Variants in PCDH9 observed in about 807,000 individuals in gnomAD.
The protein encoded by PCDH9 is protocadherin 9.
A neutral mutation model predicts 70.6 loss-of-function variants in PCDH9; 24 were observed. The observed-to-expected ratio is 0.34, with a 90% CI of 0.25 to 0.48. The LOEUF (loss-of-function observed/expected upper bound fraction) is 0.48, where lower values mean the gene tolerates loss of function less well. PCDH9 is among the 20% of genes least tolerant of loss of function. PCDH9 has a pLI of 0.99. For missense variants in PCDH9, 1,281 were observed against 1,503.6 expected (o/e 0.85, Z 2.45); for synonymous variants, 562 against 558.5 (o/e 1.01, Z -0.09).
intron 2 of PCDH9, among the ~76,000 whole-genome samples, chr13:66,981,149 A>T (rs1029556963): frequency 6.6e-6 from 1 of 152,214 alleles, no homozygotes; most frequent in Non-Finnish European, 1.5e-5. Context: ...ATGAAATAGT[A>T]AAAGGTAGGC....
chr13:66,995,775 G>A (rs571317377), intron 2 of PCDH9, among the ~76,000 whole-genome samples: 4 of 151,988 alleles, frequency 2.6e-5, no homozygotes, highest in East Asian at 3.9e-4. Flanking sequence ...AAATATACTC[G>A]AGCAGTTCAG....
At chr13:66,637,775 G>T (rs963626419) in intron 3 of PCDH9, among the ~76,000 whole-genome samples, 3 of 151,888 alleles carry the variant, frequency 2.0e-5, no homozygotes, top group Admixed American at 1.3e-4. Flanking sequence ...TTAGCCAGGT[G>T]TGGTGGCAGG....
chr13:66,487,261 T>C (rs1177306708), intron 4 of PCDH9, among the ~76,000 whole-genome samples: 1 of 152,232 alleles, frequency 6.6e-6, no homozygotes, highest in Non-Finnish European at 1.5e-5. Context: ...AGTATATGAT[T>C]GATGCTGTTC....
intron 4 of PCDH9, among the ~76,000 whole-genome samples, chr13:66,432,054 CA>C (rs1216432320): frequency 2.6e-5 from 4 of 151,970 alleles, no homozygotes; most frequent in Admixed American, 1.3e-4. Flanking sequence ...TTTGAAGCCA[CA>C]AGTTTTTCTT....
chr13:67,180,662 C>A (rs1443683793), intron 2 of PCDH9, among the ~76,000 whole-genome samples: 1 of 152,180 alleles, frequency 6.6e-6, no homozygotes, highest in Non-Finnish European at 1.5e-5. Context: ...GCGGAGCCAA[C>A]TTTGTGAGCT....
intron 2 of PCDH9, among the ~76,000 whole-genome samples, chr13:67,195,505 C>T (rs940182445): frequency 6.6e-6 from 1 of 151,972 alleles, no homozygotes; most frequent in Admixed American, 6.6e-5. Flanking sequence ...GATGGAAATA[C>T]CAGTTTGAAA....
intron 2 of PCDH9, among the ~76,000 whole-genome samples, chr13:66,960,686 G>C (rs1418047983): frequency 6.6e-6 from 1 of 152,140 alleles, no homozygotes; most frequent in Non-Finnish European, 1.5e-5. Context: ...TAGCTGGGCA[G>C]TTAAGAAAAC....
chr13:66,365,483 C>T (rs547729307), intron 4 of PCDH9, among the ~76,000 whole-genome samples: 20 of 152,300 alleles, frequency 1.3e-4, no homozygotes. Context: ...GTAAAAATTA[C>T]AGTCCTAGAA....
chr13:66,789,841 T>C (rs2080136620), intron 3 of PCDH9, among the ~76,000 whole-genome samples: 1 of 152,188 alleles, frequency 6.6e-6, no homozygotes, highest in East Asian at 1.9e-4. Flanking sequence ...TCTAGAACTT[T>C]GTCTGTCATT....
In PCDH9 at chr13:67,228,573, C is replaced by T; in HGVS notation, c.-133G>A. On this transcript the variant is annotated splice_region_variant and 5_prime_UTR_variant, in exon 2 of 5. Coordinates refer to ENST00000377865, the MANE Select transcript of PCDH9 (RefSeq NM_203487.3). Reference sequence around the variant, plus strand: ...TATCTCATCACTTATTTGGAGACAGCCGCTGTCAACACAATTGTATAGACA... The same window carrying T: ...TATCTCATCACTTATTTGGAGACAGTCGCTGTCAACACAATTGTATAGACA... 1 of 624,020 alleles carries T rather than the reference C, an allele frequency of 1.6e-6. No individual in the cohort carries two copies. Among genetic ancestry groups the T allele is most frequent in the Non-Finnish European group, 2.7e-6 (1 of 371,938 alleles). 38.7% of individuals were successfully genotyped at this position (624,020 alleles called of 1,614,324 possible). A position where few individuals can be genotyped will look rare whatever the true frequency, so the allele number is the denominator to read the frequency against.
chr13:66,420,792 A>G (rs573156566), intron 4 of PCDH9, among the ~76,000 whole-genome samples: 3 of 152,118 alleles, frequency 2.0e-5, no homozygotes, highest in African/African-American at 7.2e-5. Context: ...AAGGATCACA[A>G]CTCCTCACCA....
At chr13:66,704,446 A>G (rs1038580507) in intron 3 of PCDH9, among the ~76,000 whole-genome samples, 1 of 152,184 alleles carries the variant, frequency 6.6e-6, no homozygotes, top group Non-Finnish European at 1.5e-5. Context: ...TTCATGTCTT[A>G]TTAAGAGTCT....
In PCDH9 at chr13:66,740,569, A is replaced by T. The variant is rs1452445531; in HGVS notation, c.3139-109158T>A. Among the ~76,000 whole-genome samples the T allele has an allele frequency of 4.1e-5, 6 of 147,752 alleles. No individual in the cohort carries two copies. The East Asian group carries it at 1.2e-3, about 30-fold the overall frequency. ...ATCCAGGAGCTGGTTTTTTGAAAGG[A>T]TCACCAAAAGTGATAGGCCGCTAGC... On this transcript the variant is annotated intron_variant, in intron 3 of 4. Coordinates refer to ENST00000377865, the MANE Select transcript of PCDH9 (RefSeq NM_203487.3).
intron 2 of PCDH9, among the ~76,000 whole-genome samples, chr13:67,111,447 T>C (rs2086656994): frequency 6.6e-6 from 1 of 152,192 alleles, no homozygotes; most frequent in South Asian, 2.1e-4. Flanking sequence ...ACTCTTAGGC[T>C]GTACTATATA....
intron 4 of PCDH9, among the ~76,000 whole-genome samples, chr13:66,457,426 T>C (rs1958339082): frequency 6.6e-6 from 1 of 152,074 alleles, no homozygotes; most frequent in Non-Finnish European, 1.5e-5. Flanking sequence ...ATTTCCAGTT[T>C]TAAAATAAAG....
At chr13:67,032,861 TTCAG>T (rs1438672728) in intron 2 of PCDH9, among the ~76,000 whole-genome samples, 1 of 152,196 alleles carries the variant, frequency 6.6e-6, no homozygotes, top group Non-Finnish European at 1.5e-5. Flanking sequence ...TTTTGAAGCA[TTCAG>T]TCAGTTATTA....
chr13:66,768,963 A>G (rs998004793), intron 3 of PCDH9, among the ~76,000 whole-genome samples: 6 of 152,158 alleles, frequency 3.9e-5, no homozygotes, highest in Non-Finnish European at 7.4e-5. Context: ...CAGGGAGATT[A>G]TGCAAAAGAT....
chr13:66,817,767 C>T (rs189055877), intron 3 of PCDH9, among the ~76,000 whole-genome samples: 31 of 152,152 alleles, frequency 2.0e-4, no homozygotes, highest in African/African-American at 6.5e-4. Flanking sequence ...GCATTAACAG[C>T]TGGCAACACA....
intron 2 of PCDH9, among the ~76,000 whole-genome samples, chr13:66,965,646 TATTA>T (rs1282080427): frequency 1.3e-5 from 2 of 152,086 alleles, no homozygotes; most frequent in African/African-American, 4.8e-5. Flanking sequence ...AGAATTTTAT[TATTA>T]ATTGATTGCA....
Sources: gnomAD v4.1 joint callset for allele counts (sites outside exome capture counted in the v4.1 genomes callset) on GRCh38, gnomAD v4.1.1 for gene constraint, MANE v1.5 for transcripts, NCBI Gene and HGNC (gene_info 2026-07-23, HGNC 2026-07-21) for gene names.